The following KIF13A variants were observed in gnomAD, a reference collection of about 807,000 sequenced individuals.
KIF13A encodes kinesin-like protein KIF13A.
A neutral mutation model predicts 212.2 loss-of-function variants in KIF13A; 79 were observed. That is an observed-to-expected ratio of 0.37 (90% CI 0.31 to 0.45). KIF13A has a LOEUF of 0.45. Ranked by LOEUF, KIF13A falls within the 20% of genes least tolerant of loss-of-function variation. The probability of loss-of-function intolerance (pLI) is 1.00; values close to 1 mark genes in which losing one functional copy is unlikely to be tolerated. For synonymous variants in KIF13A, 789 were observed against 808.6 expected (o/e 0.98, Z 0.41); for missense variants, 1,901 against 2,209.0 (o/e 0.86, Z 2.79).
intron 2 of KIF13A, among the ~76,000 whole-genome samples, chr6:17,970,432 G>A (rs1779716164): frequency 6.6e-6 from 1 of 151,970 alleles, no homozygotes; most frequent in Non-Finnish European, 1.5e-5. Flanking sequence ...GTGAAACCCT[G>A]TCTCTACTAA....
intron 3 of KIF13A, among the ~76,000 whole-genome samples, chr6:17,896,226 G>C (rs1302890031): frequency 6.6e-6 from 1 of 151,888 alleles, no homozygotes; most frequent in Non-Finnish European, 1.5e-5. Flanking sequence ...TGCTGTTCAG[G>C]GGTCAACTGT....
rs1382107780 is a variant in KIF13A at position 17,777,004 on chromosome 6, C to T, written c.4170+273G>A. On this transcript the variant is annotated intron_variant, in intron 34 of 38. Transcript: ENST00000259711. This position sits in a 1 kb window ranked among gnomAD's most constrained non-coding sequence, Gnocchi z 4.4. ...GTGCAAGTATTCATAGCTGACTCCA[C>T]CATCTGTAACCAACTAAACTCAATT... 6.6e-6 allele frequency among the ~76,000 whole-genome samples: 1 copy of T among 152,168 alleles called. No individual in the cohort carries two copies. The highest frequency in any genetic ancestry group is 1.5e-5 in the Non-Finnish European group (1 of 68,034).
chr6:17,795,592 A>G (rs909717958), intron 23 of KIF13A, among the ~76,000 whole-genome samples: 10 of 105,070 alleles, frequency 9.5e-5, no homozygotes, highest in African/African-American at 2.4e-4. Context: ...GCAAGACTCC[A>G]TCTCAAAAAA....
chr6:17,769,285 G>A lies in KIF13A; in HGVS notation c.4581+1829C>T, dbSNP rs1352326054. Among the ~76,000 whole-genome samples the A allele has an allele frequency of 6.6e-6, 1 of 152,208 alleles. No homozygotes were observed. The highest frequency in any genetic ancestry group is 2.4e-5 in the African/African-American group (1 of 41,452). On this transcript the variant is annotated intron_variant, in intron 38 of 38. Coordinates refer to ENST00000259711, the MANE Select transcript of KIF13A (RefSeq NM_022113.6). This position sits in a 1 kb window ranked among gnomAD's most constrained non-coding sequence, Gnocchi z 5.8. ...AAACACCTTGAAAAACTGCTGTCTG[G>A]AATGAATTAAAGAGCCCAATTGCCT...
chr6:17,879,026 A>C (rs981518769), intron 3 of KIF13A, among the ~76,000 whole-genome samples: 2 of 152,230 alleles, frequency 1.3e-5, no homozygotes, highest in African/African-American at 4.8e-5. Context: ...ATTTACTAGG[A>C]AGAAAGCTGA....
intron 2 of KIF13A, among the ~76,000 whole-genome samples, chr6:17,946,905 C>G (rs1308137630): frequency 1.3e-5 from 2 of 152,164 alleles, no homozygotes; most frequent in Non-Finnish European, 2.9e-5. Flanking sequence ...AAATGAATCT[C>G]AAGAACAAAG....
At chr6:17,958,496 G>A (rs1303953413) in intron 2 of KIF13A, among the ~76,000 whole-genome samples, 2 of 152,142 alleles carry the variant, frequency 1.3e-5, no homozygotes, top group Non-Finnish European at 2.9e-5. Flanking sequence ...TACACAGTCT[G>A]TGGCTTATAA....
At chr6:17,937,135 G>A (rs1052591167) in intron 2 of KIF13A, among the ~76,000 whole-genome samples, 1 of 152,298 alleles carries the variant, frequency 6.6e-6, no homozygotes, top group African/African-American at 2.4e-5. Flanking sequence ...CTCAACCGCA[G>A]TCACTGCACT....
chr6:17,796,590 C>T, intron 23 of KIF13A, 79 bp downstream of exon 23: 1 of 942,390 alleles, frequency 1.1e-6, no homozygotes, highest in Non-Finnish European at 1.5e-6. Context: ...AAGCAGCCTC[C>T]TAGGCCAGAG....
In KIF13A at chr6:17,789,838, C is replaced by A. The variant is rs1761383305; in HGVS notation, c.3261+34G>T. On this transcript the variant is annotated intron_variant, in intron 26 of 38. Coordinates refer to ENST00000259711, the MANE Select transcript of KIF13A (RefSeq NM_022113.6). This position sits in a 1 kb window ranked among gnomAD's most constrained non-coding sequence, Gnocchi z 4.8. ...ATGCTGGCAATTAGCAGTAGCTGTG[C>A]CCCATGCCACAGGATTGACAGCAGT... 6.3e-7 allele frequency: 1 copy of A among 1,585,964 alleles called. No individual in the cohort carries two copies. The highest frequency in any genetic ancestry group is 1.3e-5 in the African/African-American group (1 of 74,334).
At chr6:17,814,596 AG>A (rs1480090386) in intron 17 of KIF13A, among the ~76,000 whole-genome samples, 3 of 152,108 alleles carry the variant, frequency 2.0e-5, no homozygotes, top group Non-Finnish European at 4.4e-5. Flanking sequence ...AGGTGTTATT[AG>A]GAGACTGCAG....
At chr6:17,973,751 G>T (rs1449000083) in intron 2 of KIF13A, among the ~76,000 whole-genome samples, 1 of 152,150 alleles carries the variant, frequency 6.6e-6, no homozygotes, top group Non-Finnish European at 1.5e-5. Context: ...ATGGCACCCA[G>T]ACGTCTCACA....
At chr6:17,761,093 A>C (rs1312660275), downstream of KIF13A, among the ~76,000 whole-genome samples, 1 of 152,202 alleles carries the variant, frequency 6.6e-6, no homozygotes, top group South Asian at 2.1e-4. Context: ...AGCAACAACC[A>C]AAGTAAAAAT....
chr6:17,975,329 T>C (rs541519082), intron 2 of KIF13A, among the ~76,000 whole-genome samples: 2 of 149,374 alleles, frequency 1.3e-5, no homozygotes, highest in African/African-American at 4.8e-5. Flanking sequence ...TAGTAGGTTC[T>C]TGGTCTCACT....
At chr6:17,941,540 T>C (rs893362090) in intron 2 of KIF13A, among the ~76,000 whole-genome samples, 8 of 152,058 alleles carry the variant, frequency 5.3e-5, no homozygotes, top group South Asian at 2.1e-4. Flanking sequence ...CTGGTGTCTT[T>C]ATAAGCAAGG....
At chr6:17,938,138 T>C (rs540719639) in intron 2 of KIF13A, among the ~76,000 whole-genome samples, 2 of 151,710 alleles carry the variant, frequency 1.3e-5, no homozygotes, top group East Asian at 3.9e-4. Flanking sequence ...CAAGTGATCT[T>C]CTCACCTAGG....
rs1779067883 is a variant in KIF13A at position 17,963,851 on chromosome 6, G to A, written c.146+23203C>T. Among the ~76,000 whole-genome samples the A allele has an allele frequency of 1.3e-5, 2 of 152,200 alleles. No homozygotes were observed. The highest frequency in any genetic ancestry group is 4.8e-5 in the African/African-American group (2 of 41,458). On this transcript the variant is annotated intron_variant, in intron 2 of 38. Coordinates refer to ENST00000259711, the MANE Select transcript of KIF13A (RefSeq NM_022113.6). The surrounding 1 kb of genome is among the most constrained non-coding windows in gnomAD (Gnocchi z 4.1). The stretch of plus-strand genomic sequence containing the variant: ...ATTACGGGCGTGAGCCACCATGCCT[G>A]GCCAATATGTTCTATATCTTAATGG...
chr6:17,789,995 C>A lies in KIF13A; in HGVS notation c.3223-85G>T. 9.6e-7 allele frequency: 1 copy of A among 1,041,850 alleles called. No individual in the cohort carries two copies. The highest frequency in any genetic ancestry group is 1.5e-6 in the Non-Finnish European group (1 of 683,164). 64.5% of individuals were successfully genotyped at this position (1,041,850 alleles called of 1,614,324 possible). ...AAAATAATTATTTAAGCTTAACACA[C>A]ATTAAAATGGACAGCTTACCTAACA... On this transcript the variant is annotated intron_variant, in intron 25 of 38. Transcript: ENST00000259711. This position sits in a 1 kb window ranked among gnomAD's most constrained non-coding sequence, Gnocchi z 4.8.
chr6:17,840,063 T>C (rs1440517466), intron 9 of KIF13A, among the ~76,000 whole-genome samples: 4 of 152,164 alleles, frequency 2.6e-5, no homozygotes, highest in Non-Finnish European at 5.9e-5. Flanking sequence ...GAGGCAGTGG[T>C]TGACTAGGGC....
Sources: allele counts gnomAD v4.1 joint callset (sites outside exome capture counted in the v4.1 genomes callset), GRCh38; gene constraint gnomAD v4.1.1; non-coding constraint Gnocchi (gnomAD v3.1); transcripts MANE v1.5; gene names NCBI Gene and HGNC (gene_info 2026-07-23, HGNC 2026-07-21).